SPICE1: variants seen among roughly 807,000 people sequenced by gnomAD.
SPICE1 encodes spindle and centriole associated protein 1, also known as spindle and centriole-associated protein 1.
Under a neutral mutation model 102.7 loss-of-function variants are expected in SPICE1, and 75 were observed. The ratio of observed to expected loss-of-function variants is 0.73; its 90% confidence interval spans 0.61 to 0.88. The LOEUF (loss-of-function observed/expected upper bound fraction) is 0.88, where lower values mean the gene tolerates loss of function less well. SPICE1 is among the 40% of genes least tolerant of loss of function. The probability of loss-of-function intolerance (pLI) is 0.00; values close to 1 mark genes in which losing one functional copy is unlikely to be tolerated. For synonymous variants in SPICE1, 308 were observed against 350.3 expected (o/e 0.88, Z 1.35); for missense variants, 979 against 1,020.1 (o/e 0.96, Z 0.55).
At chr3:113,458,140 A>G (rs1204181473) in intron 12 of SPICE1, among the ~76,000 whole-genome samples, 1 of 151,814 alleles carries the variant, frequency 6.6e-6, no homozygotes, top group Admixed American at 6.6e-5. Flanking sequence ...AGGCAATAAC[A>G]AGAATTAACA....
intron 12 of SPICE1, chr3:113,459,946 G>A (rs1935887439): frequency 1.0e-6 from 1 of 983,830 alleles, no homozygotes; most frequent in Non-Finnish European, 1.2e-6. Flanking sequence ...CCTAGCCAAT[G>A]AGTTTACCTC....
intron 5 of SPICE1, 45 bp downstream of exon 5, chr3:113,493,995 TCAACTGTGG>T (rs1576644348): frequency 8.3e-7 from 1 of 1,210,562 alleles, no homozygotes. Flanking sequence ...TTCCAAATAG[TCAACTGTGG>T]GCTACAGTTA....
chr3:113,482,782 G>A (rs1576638320), intron 7 of SPICE1, among the ~76,000 whole-genome samples: 2 of 152,160 alleles, frequency 1.3e-5, no homozygotes, highest in South Asian at 2.1e-4. Flanking sequence ...TTTGGTACCA[G>A]TACCATGCTG....
At chr3:113,460,480 C>T in intron 12 of SPICE1, 137 bp downstream of exon 12, 2 of 1,398,472 alleles carry the variant, frequency 1.4e-6, no homozygotes, top group Non-Finnish European at 1.9e-6. Flanking sequence ...AAAGTAGTGG[C>T]AACTGTAGTA....
intron 7 of SPICE1, among the ~76,000 whole-genome samples, chr3:113,481,865 T>G (rs771558005): frequency 6.6e-6 from 1 of 152,198 alleles, no homozygotes; most frequent in Non-Finnish European, 1.5e-5. Context: ...TGAATAGTGA[T>G]GCAATAAACA....
chr3:113,498,155 C>T (rs969093570), intron 4 of SPICE1, among the ~76,000 whole-genome samples: 3 of 152,146 alleles, frequency 2.0e-5, no homozygotes, highest in African/African-American at 7.2e-5. Context: ...GGATTACAGG[C>T]ATGAGCTGCC....
chr3:113,476,027 T>C (rs917264352), intron 7 of SPICE1, among the ~76,000 whole-genome samples: 1 of 152,184 alleles, frequency 6.6e-6, no homozygotes, highest in African/African-American at 2.4e-5. Flanking sequence ...ATTGTACATC[T>C]AGAAAACCCC....
intron 7 of SPICE1, among the ~76,000 whole-genome samples, chr3:113,477,935 A>T (rs1041101403): frequency 1.3e-5 from 2 of 151,362 alleles, no homozygotes; most frequent in African/African-American, 4.9e-5. Context: ...TTAAAGTATA[A>T]TAATAATAAA....
At chr3:113,505,013 G>A (rs1199981926) in intron 2 of SPICE1, among the ~76,000 whole-genome samples, 1 of 152,126 alleles carries the variant, frequency 6.6e-6, no homozygotes, top group Non-Finnish European at 1.5e-5. Context: ...AGCAATAGTG[G>A]CATATTGGAA....
intron 7 of SPICE1, among the ~76,000 whole-genome samples, chr3:113,478,793 C>A (rs1936422172): frequency 6.6e-6 from 1 of 151,868 alleles, no homozygotes; most frequent in Admixed American, 6.6e-5. Flanking sequence ...AGAGTATATA[C>A]CTTCTTCTCA....
At chr3:113,463,778 G>A (rs1935987389) in intron 11 of SPICE1, among the ~76,000 whole-genome samples, 1 of 152,210 alleles carries the variant, frequency 6.6e-6, no homozygotes, top group Non-Finnish European at 1.5e-5. Context: ...CTTCTAAAGG[G>A]TACAGGATGG....
intron 12 of SPICE1, among the ~76,000 whole-genome samples, chr3:113,458,692 GCC>G (rs1935846766): frequency 6.6e-6 from 1 of 151,644 alleles, no homozygotes; most frequent in Admixed American, 6.6e-5. Flanking sequence ...GATGTAAGGA[GCC>G]CCTCTGCCCG....
intron 6 of SPICE1, among the ~76,000 whole-genome samples, chr3:113,490,506 G>A (rs114087529): frequency 3.9e-5 from 6 of 152,080 alleles, no homozygotes; most frequent in Admixed American, 6.6e-5. Flanking sequence ...GGCAGGCTTG[G>A]TGGCGTGCAC....
chr3:113,507,377 A>C (rs1937132956), intron 1 of SPICE1, among the ~76,000 whole-genome samples: 2 of 152,138 alleles, frequency 1.3e-5, no homozygotes, highest in Non-Finnish European at 2.9e-5. Context: ...ATACATGACT[A>C]CTATTGCAGA....
At chr3:113,492,981 C>T (rs1471883) in intron 6 of SPICE1, among the ~76,000 whole-genome samples, 48,149 of 152,036 alleles carry the variant, frequency 0.32, 9,005 homozygotes, top group African/African-American at 0.52. Flanking sequence ...GATAAAGCAG[C>T]ATATACACCT....
At chr3:113,473,131 T>A (rs1936247791) in intron 7 of SPICE1, among the ~76,000 whole-genome samples, 1 of 151,980 alleles carries the variant, frequency 6.6e-6, no homozygotes, top group Non-Finnish European at 1.5e-5. Context: ...GAGAACTACA[T>A]GAAGAACGCA....
intron 1 of SPICE1, among the ~76,000 whole-genome samples, chr3:113,510,181 T>C (rs1400898739): frequency 2.0e-5 from 3 of 152,276 alleles, no homozygotes; most frequent in East Asian, 1.9e-4. Context: ...ACAGTGAAAA[T>C]AGCCATACTG....
At chr3:113,480,959 T>C (rs992493169) in intron 7 of SPICE1, among the ~76,000 whole-genome samples, 1 of 71,698 alleles carries the variant, frequency 1.4e-5, no homozygotes, top group African/African-American at 7.3e-5. Flanking sequence ...AGCCAATACC[T>C]TACTTAAGAG....
intron 7 of SPICE1, among the ~76,000 whole-genome samples, chr3:113,472,534 C>A (rs375033053): frequency 2.0e-4 from 30 of 152,294 alleles, no homozygotes; most frequent in Admixed American, 1.3e-3. Flanking sequence ...GGAGGCAACC[C>A]CCAGTAGGGG....
Sources: allele counts gnomAD v4.1 joint callset (sites outside exome capture counted in the v4.1 genomes callset), GRCh38; gene constraint gnomAD v4.1.1; transcripts MANE v1.5; gene names NCBI Gene and HGNC (gene_info 2026-07-23, HGNC 2026-07-21).